Variants in DIP2C observed in about 807,000 individuals in gnomAD.
DIP2C encodes the protein disco-interacting protein 2 homolog C.
In DIP2C, 33 loss-of-function variants were observed where a neutral mutation model predicts 192.4. That is an observed-to-expected ratio of 0.17 (90% CI 0.13 to 0.23). The LOEUF (loss-of-function observed/expected upper bound fraction) is 0.23. DIP2C is among the 10% of genes least tolerant of loss of function. The pLI is 1.00. For missense variants in DIP2C, 1,537 were observed against 2,110.1 expected (o/e 0.73, Z 5.32); for synonymous variants, 979 against 864.1 (o/e 1.13, Z -2.33).
chr10:456,722 C>A (rs1589836776), intron 3 of DIP2C, among the ~76,000 whole-genome samples: 1 of 152,290 alleles, frequency 6.6e-6, no homozygotes, highest in East Asian at 1.9e-4. Context: ...ATCTGTGTTC[C>A]CTCCCTTTTG....
At chr10:417,565 C>A (rs557643499) in intron 6 of DIP2C, among the ~76,000 whole-genome samples, 1 of 152,074 alleles carries the variant, frequency 6.6e-6, no homozygotes, top group African/African-American at 2.4e-5. Flanking sequence ...CTCTGCCTCA[C>A]GTGAGGATGT....
intron 28 of DIP2C, among the ~76,000 whole-genome samples, chr10:344,308 C>T (rs536355630): frequency 9.6e-5 from 14 of 146,204 alleles, no homozygotes; most frequent in Admixed American, 2.8e-4. Context: ...GAGAACTGTG[C>T]GAGGTAAAGC....
At chr10:517,128 C>T (rs1473152788) in intron 1 of DIP2C, among the ~76,000 whole-genome samples, 2 of 151,960 alleles carry the variant, frequency 1.3e-5, no homozygotes, top group Non-Finnish European at 2.9e-5. Flanking sequence ...ATCCCACCAG[C>T]CTGCATGGCC....
chr10:311,597 AGAG>A, intron 31 of DIP2C: 1 of 1,232,422 alleles, frequency 8.1e-7, no homozygotes, highest in Non-Finnish European at 1.0e-6. Flanking sequence ...GGACGAGAAG[AGAG>A]GAGAGAACAC....
chr10:567,852 A>G (rs1322565287), intron 1 of DIP2C, among the ~76,000 whole-genome samples: 1 of 151,890 alleles, frequency 6.6e-6, no homozygotes, highest in Non-Finnish European at 1.5e-5. Flanking sequence ...CTGGTCTCGA[A>G]CTCCTGACCT....
At chr10:571,626 ACT>A (rs931723678) in intron 1 of DIP2C, among the ~76,000 whole-genome samples, 31 of 150,968 alleles carry the variant, frequency 2.1e-4, no homozygotes, top group African/African-American at 4.9e-4. Flanking sequence ...GTTTTCTTTC[ACT>A]CTGTTTTTAT....
intron 14 of DIP2C, among the ~76,000 whole-genome samples, chr10:387,518 A>G (rs1411114092): frequency 7.4e-6 from 1 of 135,920 alleles, no homozygotes; most frequent in South Asian, 2.8e-4. Flanking sequence ...TCCTGTGTGG[A>G]CAGACAGTGA....
At chr10:284,125 G>A (rs1292765808) in intron 34 of DIP2C, among the ~76,000 whole-genome samples, 7 of 152,212 alleles carry the variant, frequency 4.6e-5, no homozygotes, top group African/African-American at 1.4e-4. Context: ...AGGAGAGGCA[G>A]GGCCTTGTAG....
At chr10:679,880 G>C (rs936518169) in intron 1 of DIP2C, among the ~76,000 whole-genome samples, 1 of 152,178 alleles carries the variant, frequency 6.6e-6, no homozygotes, top group Non-Finnish European at 1.5e-5. Context: ...GGAATCGCCT[G>C]GATAAATGGA....
chr10:570,408 G>A (rs952238652), intron 1 of DIP2C, among the ~76,000 whole-genome samples: 2 of 152,140 alleles, frequency 1.3e-5, no homozygotes, highest in African/African-American at 4.8e-5. Flanking sequence ...AGGTCCTGAC[G>A]TCCACTCCTC....
chr10:557,850 G>A (rs181233410), intron 1 of DIP2C, among the ~76,000 whole-genome samples: 1 of 64,400 alleles, frequency 1.6e-5, no homozygotes, highest in African/African-American at 1.1e-4. Flanking sequence ...AGGCAGGAAG[G>A]GGGAGGGGGC....
intron 2 of DIP2C, among the ~76,000 whole-genome samples, chr10:479,033 G>C (rs958880513): frequency 6.6e-6 from 1 of 152,176 alleles, no homozygotes; most frequent in Non-Finnish European, 1.5e-5. Context: ...CCTGCTCTGG[G>C]CCCTTAGTGA....
rs753655845 is a variant in DIP2C at position 484,816 on chromosome 10, G to T, written c.157+1643C>A. 3 of 1,611,414 alleles carry T rather than the reference G, an allele frequency of 1.9e-6. No homozygotes were observed. In the South Asian group the frequency reaches 3.3e-5, roughly 18 times the overall value. On this transcript the variant is annotated intron_variant, in intron 2 of 36. Transcript: ENST00000280886. ...GTAAAACAGAGGCCGGTTCCCTGCG[G>T]TGCTGGCCACCCGCTCCCGAGCCGC...
intron 30 of DIP2C, among the ~76,000 whole-genome samples, chr10:328,179 T>C (rs536365118): frequency 9.3e-4 from 141 of 152,316 alleles, no homozygotes; most frequent in African/African-American, 3.1e-3. Flanking sequence ...TCGTGCTCAG[T>C]GTACAGACAC....
At chr10:287,919 A>T (rs1955237014) in intron 33 of DIP2C, among the ~76,000 whole-genome samples, 1 of 152,192 alleles carries the variant, frequency 6.6e-6, no homozygotes, top group Admixed American at 6.5e-5. Flanking sequence ...AGGTGTGGCC[A>T]TGTGACCACA....
chr10:417,677 T>TGACAGCATACCA, intron 6 of DIP2C, among the ~76,000 whole-genome samples: 1 of 85,262 alleles, frequency 1.2e-5, no homozygotes, highest in East Asian at 4.0e-4. Flanking sequence ...AGGGCTCGGA[T>TGACAGCATACCA]AGGCCTCCCT....
intron 1 of DIP2C, among the ~76,000 whole-genome samples, chr10:491,496 T>C (rs1844445777): frequency 6.6e-6 from 1 of 152,178 alleles, no homozygotes; most frequent in Non-Finnish European, 1.5e-5. Context: ...CAGCAGGCGC[T>C]GCAGACCGGT....
intron 3 of DIP2C, among the ~76,000 whole-genome samples, chr10:449,920 CA>C (rs59135780): frequency 0.74 from 99,897 of 135,804 alleles, 38,676 homozygotes; most frequent in East Asian, 0.91. Context: ...TCAACAACAA[CA>C]AAAAAAAAAA....
intron 1 of DIP2C, among the ~76,000 whole-genome samples, chr10:560,928 T>C (rs993096002): frequency 6.6e-6 from 1 of 152,160 alleles, no homozygotes; most frequent in Non-Finnish European, 1.5e-5. Flanking sequence ...GAGGCATCCC[T>C]CCACATGACA....
Sources: allele counts gnomAD v4.1 joint callset (sites outside exome capture counted in the v4.1 genomes callset), GRCh38; gene constraint gnomAD v4.1.1; transcripts MANE v1.5; gene names NCBI Gene and HGNC (gene_info 2026-07-23, HGNC 2026-07-21).